Variants in SHISA9 observed in about 807,000 individuals in gnomAD.
The protein encoded by SHISA9 is shisa family member 9, also known as protein shisa-9.
SHISA9 carries 13 observed loss-of-function variants against 38.0 expected under a neutral mutation model. That is an observed-to-expected ratio of 0.34 (90% confidence interval 0.22 to 0.54). The LOEUF (loss-of-function observed/expected upper bound fraction) is 0.54, where lower values mean the gene tolerates loss of function less well. Among genes scored for constraint, SHISA9 ranks in the 20% least tolerant of loss-of-function variants. SHISA9 has a pLI of 0.91. For missense variants in SHISA9, 538 were observed against 575.8 expected (o/e 0.93, Z 0.67); for synonymous variants, 275 against 242.0 (o/e 1.14, Z -1.27).
the SHISA9 span, among the ~76,000 whole-genome samples, chr16:13,479,200 C>T: frequency 1.3e-5 from 2 of 152,160 alleles, no homozygotes; most frequent in Non-Finnish European, 2.9e-5. Flanking sequence ...TCTAACTCTC[C>T]AGCTTCCCTC....
intron 2 of SHISA9, among the ~76,000 whole-genome samples, chr16:13,018,152 C>T (rs990502240): frequency 3.3e-5 from 5 of 152,208 alleles, no homozygotes; most frequent in African/African-American, 1.2e-4. Context: ...TCTTCTCCCT[C>T]CTAAGTTCCT....
chr16:13,329,924 TA>T, the SHISA9 span, among the ~76,000 whole-genome samples: 70 of 152,262 alleles, frequency 4.6e-4, no homozygotes, highest in African/African-American at 1.6e-3. Context: ...AGATATCCAA[TA>T]AATCGTCCCC....
At chr16:13,337,147 T>A in the SHISA9 span, among the ~76,000 whole-genome samples, 2 of 152,264 alleles carry the variant, frequency 1.3e-5, no homozygotes, top group African/African-American at 2.4e-5. Flanking sequence ...TCTGAACAGC[T>A]AACACATGGT....
the SHISA9 span, among the ~76,000 whole-genome samples, chr16:13,381,982 T>C: frequency 6.6e-6 from 1 of 152,100 alleles, no homozygotes; most frequent in South Asian, 2.1e-4. Flanking sequence ...GAGTCAAAAT[T>C]AGAAAAATAT....
At chr16:13,183,300 G>GC (rs138294265) in intron 2 of SHISA9, among the ~76,000 whole-genome samples, 6,706 of 152,340 alleles carry the variant, frequency 0.044, 245 homozygotes, top group African/African-American at 0.098. Flanking sequence ...AATACAATCT[G>GC]CCACAGATTA....
intron 2 of SHISA9, among the ~76,000 whole-genome samples, chr16:13,042,811 C>T (rs939717173): frequency 1.3e-5 from 2 of 152,124 alleles, no homozygotes; most frequent in African/African-American, 4.8e-5. Flanking sequence ...TTGTCGGTCT[C>T]CTCCCACTAA....
chr16:13,121,059 T>C (rs2050205062), intron 2 of SHISA9, among the ~76,000 whole-genome samples: 1 of 152,024 alleles, frequency 6.6e-6, no homozygotes, highest in Admixed American at 6.6e-5. Context: ...ACCTGGAGGC[T>C]GAGGTGCGAG....
At chr16:13,482,015 G>A in the SHISA9 span, among the ~76,000 whole-genome samples, 1 of 152,262 alleles carries the variant, frequency 6.6e-6, no homozygotes, top group South Asian at 2.1e-4. Context: ...CCTCCATTGG[G>A]TACTTGAGCT....
At chr16:12,982,535 T>A (rs2072253235) in intron 2 of SHISA9, among the ~76,000 whole-genome samples, 2 of 152,188 alleles carry the variant, frequency 1.3e-5, no homozygotes, top group South Asian at 4.1e-4. Flanking sequence ...TATCCTCCCA[T>A]TTTACCCAAT....
chr16:13,262,682 A>AGGG, the SHISA9 span, among the ~76,000 whole-genome samples: 53 of 65,218 alleles, frequency 8.1e-4, 1 homozygote, highest in Middle Eastern at 6.8e-3. Context: ...GGGAGGGAGG[A>AGGG]AGGAAGGAAG....
the SHISA9 span, among the ~76,000 whole-genome samples, chr16:13,297,333 T>A: frequency 4.6e-5 from 7 of 152,328 alleles, no homozygotes; most frequent in Non-Finnish European, 1.0e-4. Flanking sequence ...TTTTTAAGAC[T>A]GTTGATAATT....
the SHISA9 span, among the ~76,000 whole-genome samples, chr16:13,465,519 A>T: frequency 6.6e-6 from 1 of 152,226 alleles, no homozygotes; most frequent in Non-Finnish European, 1.5e-5. Flanking sequence ...CATGAGAATC[A>T]CAGGATTTGG....
intron 2 of SHISA9, among the ~76,000 whole-genome samples, chr16:13,185,422 T>G (rs911221291): frequency 1.3e-5 from 2 of 152,094 alleles, no homozygotes; most frequent in African/African-American, 2.4e-5. Context: ...TAGGATGGTG[T>G]TGAACTCTTG....
chr16:13,303,805 G>T, the SHISA9 span, among the ~76,000 whole-genome samples: 7 of 152,244 alleles, frequency 4.6e-5, no homozygotes, highest in East Asian at 1.4e-3. Flanking sequence ...TAATATGATT[G>T]CGTGAGAATG....
chr16:13,368,210 G>C, the SHISA9 span, among the ~76,000 whole-genome samples: 1 of 151,776 alleles, frequency 6.6e-6, no homozygotes, highest in Non-Finnish European at 1.5e-5. Flanking sequence ...GAAATTGTAG[G>C]GATGATTTTG....
intron 2 of SHISA9, among the ~76,000 whole-genome samples, chr16:13,113,777 C>G (rs2074002672): frequency 6.6e-6 from 1 of 152,044 alleles, no homozygotes; most frequent in Non-Finnish European, 1.5e-5. Context: ...GGGATGAACA[C>G]AATAGAAACT....
chr16:13,304,649 T>G, the SHISA9 span, among the ~76,000 whole-genome samples: 10 of 152,336 alleles, frequency 6.6e-5, no homozygotes, highest in Non-Finnish European at 1.3e-4. Flanking sequence ...TGTGTTGTTT[T>G]GAGGTCTAAG....
chr16:13,265,924 A>T, the SHISA9 span, among the ~76,000 whole-genome samples: 1 of 152,154 alleles, frequency 6.6e-6, no homozygotes, highest in Admixed American at 6.5e-5. Context: ...AATTTCCTAA[A>T]CTCAAATTCA....
At chr16:13,318,122 C>T in the SHISA9 span, among the ~76,000 whole-genome samples, 1 of 151,396 alleles carries the variant, frequency 6.6e-6, no homozygotes, top group Admixed American at 6.6e-5. Flanking sequence ...AGGTCAGAAA[C>T]CTATTAAGTT....
Sources: allele counts gnomAD v4.1 joint callset (sites outside exome capture counted in the v4.1 genomes callset), GRCh38; gene constraint gnomAD v4.1.1; transcripts MANE v1.5; gene names NCBI Gene and HGNC (gene_info 2026-07-23, HGNC 2026-07-21).